Variants in PSD3 observed in about 807,000 individuals in gnomAD.
PSD3 encodes the protein PH and SEC7 domain-containing protein 3.
Under a neutral mutation model 105.5 loss-of-function variants are expected in PSD3, and 49 were observed. The ratio of observed to expected loss-of-function variants is 0.46; its 90% confidence interval spans 0.37 to 0.59. The LOEUF (loss-of-function observed/expected upper bound fraction) is 0.59, where lower values mean the gene tolerates loss of function less well. Among genes scored for constraint, PSD3 ranks in the 20% least tolerant of loss-of-function variants. The pLI is 0.00. For missense variants in PSD3, 1,561 were observed against 1,263.8 expected (o/e 1.24, Z -3.57); for synonymous variants, 557 against 457.8 (o/e 1.22, Z -2.77).
chr8:18,728,386 T>A (rs577336179), intron 9 of PSD3, among the ~76,000 whole-genome samples: 1 of 152,090 alleles, frequency 6.6e-6, no homozygotes, highest in African/African-American at 2.4e-5. Context: ...CAGGTGCACA[T>A]AGAAAGAACA....
intron 15 of PSD3, 29 bp from the exon 16 acceptor site, chr8:18,535,987 G>T (rs772532757): frequency 2.5e-6 from 4 of 1,594,036 alleles, no homozygotes; most frequent in Non-Finnish European, 2.6e-6. Context: ...AACAACGGTA[G>T]TCAGAAAACT....
intron 1 of PSD3, among the ~76,000 whole-genome samples, chr8:19,048,577 G>A (rs1288580811): frequency 1.3e-5 from 2 of 152,198 alleles, no homozygotes; most frequent in Non-Finnish European, 2.9e-5. Flanking sequence ...TAAGGGAGAT[G>A]GAGACTCCAA....
intron 2 of PSD3, among the ~76,000 whole-genome samples, chr8:18,902,457 AC>A (rs1338795128): frequency 6.6e-6 from 1 of 152,154 alleles, no homozygotes; most frequent in Non-Finnish European, 1.5e-5. Flanking sequence ...TAAAATTATT[AC>A]TTTGAATTCA....
At chr8:18,908,999 A>T (rs1454953795) in intron 2 of PSD3, among the ~76,000 whole-genome samples, 1 of 152,246 alleles carries the variant, frequency 6.6e-6, no homozygotes, top group Non-Finnish European at 1.5e-5. Flanking sequence ...ACAGGGTCTC[A>T]GTCTACTTTA....
chr8:18,557,072 C>G (rs1328010526), intron 14 of PSD3, among the ~76,000 whole-genome samples: 2 of 152,168 alleles, frequency 1.3e-5, no homozygotes, highest in Non-Finnish European at 2.9e-5. Flanking sequence ...TCTAAGGGTA[C>G]CATTTATATC....
intron 3 of PSD3, among the ~76,000 whole-genome samples, chr8:18,869,406 T>C (rs1817175119): frequency 1.3e-5 from 2 of 152,110 alleles, no homozygotes; most frequent in Admixed American, 6.6e-5. Flanking sequence ...CTCAAACTCC[T>C]GACCTCGGGT....
chr8:18,794,948 A>G (rs1184953132), intron 8 of PSD3, among the ~76,000 whole-genome samples: 28 of 152,284 alleles, frequency 1.8e-4, no homozygotes, highest in Admixed American at 1.3e-3. Flanking sequence ...TAATTTTTAT[A>G]ATAGTCATTT....
At chr8:18,613,570 G>T (rs188935837) in intron 11 of PSD3, among the ~76,000 whole-genome samples, 1 of 152,112 alleles carries the variant, frequency 6.6e-6, no homozygotes, top group African/African-American at 2.4e-5. Context: ...TAGAGTCACA[G>T]AATTATTTTT....
chr8:18,911,156 G>C lies in PSD3; in HGVS notation c.130+24878C>G, dbSNP rs183184201. 1.1e-4 allele frequency among the ~76,000 whole-genome samples: 17 copies of C among 152,284 alleles called. No individual in the cohort carries two copies. In the East Asian group the frequency reaches 2.5e-3, roughly 22 times the overall value. On this transcript the variant is annotated intron_variant, in intron 2 of 15. Coordinates refer to ENST00000327040, the MANE Select transcript of PSD3 (RefSeq NM_015310.4). ...GATAAAAGAGGGAGTGTTTTCGGTA[G>C]AGTGGGGGTGGGAGCACAGTTTCAT...
At chr8:18,618,510 A>AAC (rs1353399233) in intron 11 of PSD3, among the ~76,000 whole-genome samples, 18 of 140,656 alleles carry the variant, frequency 1.3e-4, no homozygotes, top group Non-Finnish European at 2.4e-4. Flanking sequence ...CTATTGCTGT[A>AAC]TCTATCATAT....
intron 10 of PSD3, among the ~76,000 whole-genome samples, chr8:18,642,676 G>C (rs1353683337): frequency 6.6e-6 from 1 of 152,108 alleles, no homozygotes; most frequent in African/African-American, 2.4e-5. Flanking sequence ...ATATTCTGAA[G>C]ATAATGTGAA....
intron 1 of PSD3, among the ~76,000 whole-genome samples, chr8:19,041,816 A>C (rs1255783827): frequency 6.6e-6 from 1 of 152,220 alleles, no homozygotes; most frequent in Non-Finnish European, 1.5e-5. Flanking sequence ...GTTAAAAATA[A>C]ACCAGAAACC....
At chr8:18,762,724 T>A (rs9792380) in intron 9 of PSD3, among the ~76,000 whole-genome samples, 7,438 of 152,274 alleles carry the variant, frequency 0.049, 420 homozygotes, top group East Asian at 0.2. Context: ...ATCTATCCCT[T>A]CAATACAGTA....
chr8:18,614,805 TG>T lies in PSD3; in HGVS notation c.2411-14372del, dbSNP rs67469332. Reference sequence around the variant, plus strand: ...CATCATGCCTGGCTAATTTTTTTTTTGTTTTGTTTTCATAGACACGGGGTCT... The same window carrying T: ...CATCATGCCTGGCTAATTTTTTTTTTTTTTGTTTTCATAGACACGGGGTCT... On this transcript the variant is annotated intron_variant, in intron 11 of 15. Coordinates refer to ENST00000327040, the MANE Select transcript of PSD3 (RefSeq NM_015310.4). 6.4e-4 allele frequency among the ~76,000 whole-genome samples: 62 copies of T among 97,080 alleles called. 1 individual carries two copies. In the East Asian group the frequency reaches 0.011, roughly 18 times the overall value. 63.7% of individuals were successfully genotyped at this position (97,080 alleles called of 152,430 possible).
intron 1 of PSD3, among the ~76,000 whole-genome samples, chr8:19,072,754 C>T (rs1453779190): frequency 1.3e-5 from 2 of 152,190 alleles, no homozygotes; most frequent in South Asian, 4.1e-4. Flanking sequence ...AGCAGGGAGG[C>T]TCTCCAGGGT....
At chr8:18,565,333 T>C (rs995368014) in intron 14 of PSD3, among the ~76,000 whole-genome samples, 43 of 152,298 alleles carry the variant, frequency 2.8e-4, no homozygotes, top group African/African-American at 1.0e-3. Context: ...GCAAAACTTG[T>C]ATTTTCAAAC....
intron 8 of PSD3, among the ~76,000 whole-genome samples, chr8:18,780,914 G>A (rs922981977): frequency 6.6e-6 from 1 of 152,150 alleles, no homozygotes; most frequent in Non-Finnish European, 1.5e-5. Context: ...TCTTCTAAAT[G>A]CAGGGCTCCC....
intron 8 of PSD3, among the ~76,000 whole-genome samples, chr8:18,774,086 G>A (rs545289798): frequency 2.0e-5 from 3 of 152,248 alleles, no homozygotes; most frequent in South Asian, 2.1e-4. Flanking sequence ...CTTGCTGAAC[G>A]TCTTTAGTCC....
chr8:18,961,851 G>T (rs577860727), intron 1 of PSD3, among the ~76,000 whole-genome samples: 46 of 152,242 alleles, frequency 3.0e-4, no homozygotes, highest in African/African-American at 9.9e-4. Context: ...AAGTATGTGT[G>T]CTTCCTCCAC....
Sources: gnomAD v4.1 joint callset for allele counts (sites outside exome capture counted in the v4.1 genomes callset) on GRCh38, gnomAD v4.1.1 for gene constraint, MANE v1.5 for transcripts, NCBI Gene and HGNC (gene_info 2026-07-23, HGNC 2026-07-21) for gene names.